UIMC1: variants seen among roughly 807,000 people sequenced by gnomAD.
The protein encoded by UIMC1 is ubiquitin interaction motif containing 1.
UIMC1 carries 42 observed loss-of-function variants against 84.9 expected under a neutral mutation model. The ratio of observed to expected loss-of-function variants is 0.49; its 90% CI spans 0.39 to 0.64. The LOEUF is 0.64. Ranked by LOEUF, UIMC1 falls within the 30% of genes least tolerant of loss-of-function variation. The pLI is 0.00. For synonymous variants in UIMC1, 281 were observed against 293.0 expected (o/e 0.96, Z 0.42); for missense variants, 825 against 847.6 (o/e 0.97, Z 0.33).
At chr5:176,976,254 G>A (rs1442695372) in intron 2 of UIMC1, among the ~76,000 whole-genome samples, 5 of 152,110 alleles carry the variant, frequency 3.3e-5, no homozygotes, top group Admixed American at 2.6e-4. Flanking sequence ...CTTCCAGGCT[G>A]CAGCAAGCTA....
At chr5:177,012,847 A>T (rs943922851) in intron 1 of UIMC1, among the ~76,000 whole-genome samples, 10 of 152,260 alleles carry the variant, frequency 6.6e-5, no homozygotes, top group African/African-American at 2.4e-4. Flanking sequence ...TCAGTAAGGC[A>T]GGAGGATTAC....
At position 176,968,697 on chromosome 5, in the gene UIMC1, A is replaced by G. The variant is rs143282828; in HGVS notation, c.1058T>C (p.Met353Thr). The G allele has an allele frequency of 7.4e-4, 1,192 of 1,614,124 alleles. 1 individual carries two copies. The highest frequency in any genetic ancestry group is 1.7e-3 in the Admixed American group (101 of 60,022). Residue 353 changes from methionine (M) to threonine (T), a missense_variant, in exon 6 of 15, where the codon ATG becomes ACG. Met to Thr is a moderately conservative substitution (Grantham distance 81, BLOSUM62 -1). Coordinates refer to ENST00000511320, the MANE Select transcript of UIMC1 (RefSeq NM_001199298.2). ...CCTCTCCTCTTTGTCTTCATCTCCCATATCTTCTGAGATGCATTCATTTTT... is the reference window on the plus strand; with the variant it reads ...CCTCTCCTCTTTGTCTTCATCTCCCGTATCTTCTGAGATGCATTCATTTTT... ...SEKNECISEDMGDEDKEERQE... is the reference protein window; with the variant it reads ...SEKNECISEDTGDEDKEERQE...
At chr5:176,920,654 C>T (rs1761594305) in intron 10 of UIMC1, among the ~76,000 whole-genome samples, 1 of 152,172 alleles carries the variant, frequency 6.6e-6, no homozygotes, top group South Asian at 2.1e-4. Context: ...TTGCTAAACT[C>T]GTTTATTAGT....
intron 6 of UIMC1, among the ~76,000 whole-genome samples, chr5:176,965,199 ATCACGAGG>A (rs1451438792): frequency 6.6e-5 from 10 of 152,156 alleles, no homozygotes; most frequent in African/African-American, 2.4e-4. Flanking sequence ...AGGTGGGTGG[ATCACGAGG>A]TCAGGAGATC....
intron 14 of UIMC1, 64 bp downstream of exon 14, chr5:176,905,947 C>T: frequency 2.5e-6 from 4 of 1,569,106 alleles, no homozygotes; most frequent in Non-Finnish European, 3.5e-6. Flanking sequence ...ACACAGAACA[C>T]AGGACAAGGC....
At chr5:177,015,298 C>T (rs914123857) in intron 1 of UIMC1, among the ~76,000 whole-genome samples, 3 of 152,164 alleles carry the variant, frequency 2.0e-5, no homozygotes, top group Non-Finnish European at 4.4e-5. Context: ...CTCATGCATG[C>T]AGAATGGAGC....
Position 176,957,961 on chromosome 5 carries a change from T to C in UIMC1, c.1262+132A>G, listed in dbSNP as rs552740454. 1.6e-5 allele frequency: 10 copies of C among 638,678 alleles called. No individual in the cohort carries two copies. In the South Asian group the frequency reaches 4.2e-4, roughly 27 times the overall value. The allele number at this position is 638,678 out of a possible 1,614,324, so 39.6% of individuals were successfully genotyped here. On this transcript the variant is annotated intron_variant, in intron 7 of 14. Coordinates refer to ENST00000511320, the MANE Select transcript of UIMC1 (RefSeq NM_001199298.2). ...AACTTAGAGATACTAATAAAATTTC[T>C]CCTAGTCTTCACTTATAAAAGAGCT...
chr5:176,986,944 G>A (rs565604282), intron 1 of UIMC1, among the ~76,000 whole-genome samples: 6 of 152,272 alleles, frequency 3.9e-5, no homozygotes, highest in Middle Eastern at 3.4e-3. Flanking sequence ...TATAGGCCAG[G>A]TACAGTGACT....
chr5:177,002,193 G>A (rs1774620821), intron 1 of UIMC1: 1 of 151,956 alleles, frequency 6.6e-6, no homozygotes, highest in African/African-American at 2.4e-5. Context: ...TACTCAGAAG[G>A]CTGAGGAGAA....
chr5:176,991,028 GAC>G (rs1772760406), intron 1 of UIMC1, among the ~76,000 whole-genome samples: 1 of 150,900 alleles, frequency 6.6e-6, no homozygotes, highest in Non-Finnish European at 1.5e-5. Flanking sequence ...TTTTTTTTGA[GAC>G]AGAGTCTCGC....
intron 10 of UIMC1, among the ~76,000 whole-genome samples, chr5:176,928,452 T>C (rs1341337071): frequency 6.6e-6 from 1 of 152,190 alleles, no homozygotes; most frequent in Non-Finnish European, 1.5e-5. Context: ...ATTAAGCTTA[T>C]GTGTAATTCA....
At chr5:176,975,881 A>G (rs1470623505) in intron 2 of UIMC1, among the ~76,000 whole-genome samples, 1 of 152,216 alleles carries the variant, frequency 6.6e-6, no homozygotes, top group African/African-American at 2.4e-5. Context: ...GGAAAGGAAA[A>G]AGAGGGTAAA....
chr5:177,003,893 A>G (rs761149367), intron 1 of UIMC1, among the ~76,000 whole-genome samples: 18 of 152,118 alleles, frequency 1.2e-4, no homozygotes, highest in Non-Finnish European at 2.4e-4. Flanking sequence ...CAGTGGCATG[A>G]TAATAGCTCA....
chr5:176,939,776 A>G (rs1025580412), intron 10 of UIMC1, among the ~76,000 whole-genome samples: 5 of 152,246 alleles, frequency 3.3e-5, no homozygotes, highest in African/African-American at 1.2e-4. Flanking sequence ...ACTAGTTTTT[A>G]TAACAAATTT....
chr5:176,931,122 T>A (rs1763033610), intron 10 of UIMC1, among the ~76,000 whole-genome samples: 1 of 152,206 alleles, frequency 6.6e-6, no homozygotes, highest in South Asian at 2.1e-4. Context: ...CTAATATTAA[T>A]TTCATCATCA....
chr5:176,957,371 AG>A (rs1259011195), intron 7 of UIMC1, among the ~76,000 whole-genome samples: 2 of 152,192 alleles, frequency 1.3e-5, no homozygotes, highest in Non-Finnish European at 2.9e-5. Flanking sequence ...CTAGATAAAA[AG>A]GGCAAGTGGA....
chr5:176,986,178 G>A (rs1295466429), intron 1 of UIMC1, among the ~76,000 whole-genome samples: 1 of 151,186 alleles, frequency 6.6e-6, no homozygotes, highest in Admixed American at 6.6e-5. Flanking sequence ...TGGCCAACAT[G>A]GTAAAACCCC....
At chr5:176,959,715 CAAAAA>C (rs1169116401) in intron 6 of UIMC1, among the ~76,000 whole-genome samples, 9 of 53,930 alleles carry the variant, frequency 1.7e-4, no homozygotes, top group African/African-American at 5.6e-4. Context: ...GACTCCGTCT[CAAAAA>C]AAAAAAAAAA....
rs1759314618 is a variant in UIMC1, at chr5:176,906,025, T to A, written c.1935A>T (p.Glu645Asp). ...KTSDADIKSS[E>D]TGAFRVPSPG... Reference sequence around the variant, plus strand: ...ATCCAATTCACCTGAAGGCTCCTGTTTCTGAAGACTTGATGTCTGCATCTG... The same window carrying A: ...ATCCAATTCACCTGAAGGCTCCTGTATCTGAAGACTTGATGTCTGCATCTG... The change falls in exon 14 of 15, where the codon GAA (glutamate) becomes GAT (aspartate). Residue 645 changes from glutamate to aspartate, a missense_variant. Coordinates refer to ENST00000511320, the MANE Select transcript of UIMC1 (RefSeq NM_001199298.2). 1 of 1,614,044 alleles carries A rather than the reference T, an allele frequency of 6.2e-7. No individual in the cohort carries two copies. Among genetic ancestry groups the A allele is most frequent in the Non-Finnish European group, 8.5e-7 (1 of 1,179,966 alleles).
Sources: allele counts gnomAD v4.1 joint callset (sites outside exome capture counted in the v4.1 genomes callset), GRCh38; gene constraint gnomAD v4.1.1; transcripts MANE v1.5; gene names NCBI Gene and HGNC (gene_info 2026-07-23, HGNC 2026-07-21).